CTNND2: variants seen among roughly 807,000 people sequenced by gnomAD.
CTNND2 encodes the protein catenin delta 2, also known as catenin delta-2.
A neutral mutation model predicts 144.4 loss-of-function variants in CTNND2; 22 were observed. The ratio of observed to expected loss-of-function variants is 0.15; its 90% confidence interval spans 0.11 to 0.22. The LOEUF is 0.22. CTNND2 is among the 10% of genes least tolerant of loss of function. The pLI is 1.00. For missense variants in CTNND2, 1,353 were observed against 1,618.8 expected (o/e 0.84, Z 2.82); for synonymous variants, 751 against 695.6 (o/e 1.08, Z -1.25).
chr5:11,203,103 C>A (rs1320896105), intron 10 of CTNND2, among the ~76,000 whole-genome samples: 2 of 152,186 alleles, frequency 1.3e-5, no homozygotes, highest in African/African-American at 4.8e-5. Context: ...CCGCACCTGG[C>A]CCCTTCCTCC....
chr5:11,546,290 C>CTT lies in CTNND2; in HGVS notation c.287+18652_287+18653dup, dbSNP rs5865956. Among the ~76,000 whole-genome samples, 160 of 151,778 alleles carry CTT rather than the reference C, an allele frequency of 1.1e-3. 1 individual carries two copies. The highest frequency in any genetic ancestry group is 4.2e-3 in the Admixed American group (64 of 15,236). ...CATTTGATTTATATCTCAATAAAGC[C>CTT]TTTTTTTTCTAAAAAAAGCCCTGCA... On this transcript the variant is annotated intron_variant, in intron 3 of 21. Coordinates refer to ENST00000304623, the MANE Select transcript of CTNND2 (RefSeq NM_001332.4).
intron 3 of CTNND2, among the ~76,000 whole-genome samples, chr5:11,456,911 T>C (rs554761339): frequency 1.3e-5 from 2 of 152,330 alleles, no homozygotes; most frequent in South Asian, 4.1e-4. Context: ...CTTCATATTC[T>C]GAAGACAGTG....
chr5:11,346,121 C>T (rs1249454803), intron 9 of CTNND2, among the ~76,000 whole-genome samples: 1 of 152,102 alleles, frequency 6.6e-6, no homozygotes, highest in Non-Finnish European at 1.5e-5. Flanking sequence ...TACATCTCAT[C>T]AAGTAGCTAA....
intron 16 of CTNND2, among the ~76,000 whole-genome samples, chr5:11,073,050 T>C (rs1318028374): frequency 6.6e-6 from 1 of 152,228 alleles, no homozygotes; most frequent in Non-Finnish European, 1.5e-5. Flanking sequence ...TCCAGTATAA[T>C]AAATATAATC....
intron 3 of CTNND2, among the ~76,000 whole-genome samples, chr5:11,440,588 G>A (rs1289575842): frequency 1.3e-5 from 2 of 152,170 alleles, no homozygotes; most frequent in Non-Finnish European, 2.9e-5. Flanking sequence ...TAGTAGCCTT[G>A]TATTCAGAAA....
At chr5:11,293,281 G>A (rs192124743) in intron 9 of CTNND2, among the ~76,000 whole-genome samples, 94 of 152,284 alleles carry the variant, frequency 6.2e-4, no homozygotes, top group Non-Finnish European at 1.1e-3. Flanking sequence ...TTATACAGGT[G>A]ACCCTCATAC....
chr5:11,014,397 T>G (rs74579760), intron 18 of CTNND2, among the ~76,000 whole-genome samples: 1,933 of 152,300 alleles, frequency 0.013, 31 homozygotes, highest in African/African-American at 0.044. Flanking sequence ...CCATGGCACA[T>G]CGTCTTTTCC....
At chr5:11,271,018 T>TA (rs1438804621) in intron 9 of CTNND2, among the ~76,000 whole-genome samples, 7 of 152,184 alleles carry the variant, frequency 4.6e-5, no homozygotes, top group Non-Finnish European at 2.9e-5. Context: ...AGTTCTATTT[T>TA]AAAAAATGTT....
chr5:11,252,123 A>G (rs1487289446), intron 9 of CTNND2, among the ~76,000 whole-genome samples: 1 of 152,196 alleles, frequency 6.6e-6, no homozygotes, highest in Non-Finnish European at 1.5e-5. Context: ...TCTTCACTGC[A>G]TCAAATTGCT....
At chr5:11,555,250 G>C (rs1436387562) in intron 3 of CTNND2, among the ~76,000 whole-genome samples, 1 of 152,190 alleles carries the variant, frequency 6.6e-6, no homozygotes, top group Non-Finnish European at 1.5e-5. Context: ...AAGAGAAACA[G>C]ACACCTAGTT....
At chr5:11,838,972 G>C (rs1794317591) in intron 1 of CTNND2, among the ~76,000 whole-genome samples, 1 of 152,092 alleles carries the variant, frequency 6.6e-6, no homozygotes. Context: ...TAAATATTGT[G>C]GAAATAAAGT....
At chr5:11,227,167 T>C (rs946260473) in intron 10 of CTNND2, among the ~76,000 whole-genome samples, 10 of 152,236 alleles carry the variant, frequency 6.6e-5, no homozygotes, top group African/African-American at 1.9e-4. Flanking sequence ...GGTTTTACAT[T>C]TAACTGTTGG....
intron 14 of CTNND2, among the ~76,000 whole-genome samples, chr5:11,105,884 C>T (rs1398536013): frequency 1.3e-5 from 2 of 152,092 alleles, no homozygotes; most frequent in Non-Finnish European, 2.9e-5. Context: ...AGACTGTACT[C>T]GAACCAGCCA....
intron 3 of CTNND2, among the ~76,000 whole-genome samples, chr5:11,537,759 G>GCATATATA (rs1774354789): frequency 6.6e-6 from 1 of 152,146 alleles, no homozygotes; most frequent in Non-Finnish European, 1.5e-5. Context: ...ACCAGCTTTA[G>GCATATATA]TAGAAAGGAT....
intron 10 of CTNND2, among the ~76,000 whole-genome samples, chr5:11,229,353 CTT>C (rs1246037085): frequency 1.3e-5 from 2 of 152,012 alleles, no homozygotes; most frequent in Non-Finnish European, 2.9e-5. Flanking sequence ...GATTTATTAA[CTT>C]ATAACAAAAT....
intron 1 of CTNND2, among the ~76,000 whole-genome samples, chr5:11,832,367 G>A (rs1035337641): frequency 6.6e-6 from 1 of 152,020 alleles, no homozygotes; most frequent in Admixed American, 6.6e-5. Flanking sequence ...GCACAGTCTG[G>A]GAGAAGATAT....
intron 2 of CTNND2, among the ~76,000 whole-genome samples, chr5:11,565,462 T>C (rs1454399172): frequency 6.6e-6 from 1 of 152,192 alleles, no homozygotes; most frequent in Non-Finnish European, 1.5e-5. Context: ...TCTTTTGGAG[T>C]TTTGTGTTTA....
At chr5:11,241,303 G>T (rs1299071660) in intron 9 of CTNND2, among the ~76,000 whole-genome samples, 1 of 152,210 alleles carries the variant, frequency 6.6e-6, no homozygotes. Flanking sequence ...AATCTGTGAG[G>T]GTGACGTGAA....
intron 1 of CTNND2, among the ~76,000 whole-genome samples, chr5:11,873,793 G>A (rs1401285732): frequency 1.3e-5 from 2 of 152,186 alleles, no homozygotes; most frequent in African/African-American, 2.4e-5. Context: ...AGGTGGAGGC[G>A]ACAAGGAGGA....
Sources: allele counts gnomAD v4.1 joint callset (sites outside exome capture counted in the v4.1 genomes callset), GRCh38; gene constraint gnomAD v4.1.1; transcripts MANE v1.5; gene names NCBI Gene and HGNC (gene_info 2026-07-23, HGNC 2026-07-21).